Variants in PIK3CB observed in about 807,000 individuals in gnomAD.
The protein encoded by PIK3CB is phosphatidylinositol 4,5-bisphosphate 3-kinase catalytic subunit beta isoform.
In PIK3CB, 39 loss-of-function variants were observed where a neutral mutation model predicts 136.8. That is an observed-to-expected ratio of 0.29 (90% CI 0.22 to 0.37). The LOEUF (loss-of-function observed/expected upper bound fraction) is 0.37, where lower values mean the gene tolerates loss of function less well. Ranked by LOEUF, PIK3CB falls within the 10% of genes least tolerant of loss-of-function variation. The pLI is 1.00. For synonymous variants in PIK3CB, 428 were observed against 436.6 expected, an observed-to-expected ratio of 0.98 and a Z score of 0.25; for missense variants, 868 against 1,275.4, an observed-to-expected ratio of 0.68 and a Z score of 4.87.
intron 2 of PIK3CB, chr3:138,778,126 T>C (rs2108780343): frequency 2.5e-6 from 1 of 398,876 alleles, no homozygotes; most frequent in Non-Finnish European, 5.0e-6. Flanking sequence ...CACTGGCATC[T>C]TCACTACCTT....
At chr3:138,700,208 C>T (rs1375853258) in intron 12 of PIK3CB, among the ~76,000 whole-genome samples, 2 of 151,992 alleles carry the variant, frequency 1.3e-5, no homozygotes, top group Non-Finnish European at 2.9e-5. Context: ...GGCAACAAAG[C>T]GAGACACTGT....
chr3:138,732,783 G>A (rs1422440222), intron 8 of PIK3CB, among the ~76,000 whole-genome samples: 1 of 150,552 alleles, frequency 6.6e-6, no homozygotes, highest in Non-Finnish European at 1.5e-5. Context: ...GGCTGAGAGA[G>A]GAGAGTAAGC....
At chr3:138,775,552 G>A (rs968953501) in intron 2 of PIK3CB, among the ~76,000 whole-genome samples, 14 of 152,060 alleles carry the variant, frequency 9.2e-5, no homozygotes, top group Non-Finnish European at 1.5e-4. Flanking sequence ...CAGAGTACCC[G>A]CCTGAACTTC....
chr3:138,698,345 G>C (rs2044180204), intron 13 of PIK3CB, among the ~76,000 whole-genome samples: 1 of 152,170 alleles, frequency 6.6e-6, no homozygotes, highest in Admixed American at 6.5e-5. Context: ...AAATGCCAGT[G>C]CTTTTTGGCA....
At chr3:138,716,074 A>G (rs1426984427) in intron 8 of PIK3CB, among the ~76,000 whole-genome samples, 3 of 152,178 alleles carry the variant, frequency 2.0e-5, no homozygotes, top group Non-Finnish European at 2.9e-5. Context: ...AAATTAAGCT[A>G]AAAGAAAAAA....
chr3:138,791,842 A>G (rs1024519663), intron 2 of PIK3CB, among the ~76,000 whole-genome samples: 3 of 152,220 alleles, frequency 2.0e-5, no homozygotes, highest in Non-Finnish European at 4.4e-5. Context: ...ACCTTAGTAA[A>G]CATATCCCTC....
At chr3:138,815,107 T>A (rs1209700871) in intron 1 of PIK3CB, among the ~76,000 whole-genome samples, 1 of 116,142 alleles carries the variant, frequency 8.6e-6, no homozygotes, top group Non-Finnish European at 1.6e-5. Context: ...GCCACTGCAC[T>A]CCAGCCTGGG....
chr3:138,801,119 G>C (rs2046169498), intron 1 of PIK3CB, among the ~76,000 whole-genome samples: 1 of 152,016 alleles, frequency 6.6e-6, no homozygotes, highest in Non-Finnish European at 1.5e-5. Flanking sequence ...TTCTCAAACA[G>C]GTAATTAGGG....
chr3:138,768,973 G>A (rs542793401), intron 2 of PIK3CB, among the ~76,000 whole-genome samples: 1 of 152,280 alleles, frequency 6.6e-6, no homozygotes, highest in Admixed American at 6.5e-5. Context: ...ACTGGCATGG[G>A]AGAGAAGGGG....
At chr3:138,825,014 T>C (rs766266026) in intron 1 of PIK3CB, 21 of 220,488 alleles carry the variant, frequency 9.5e-5, no homozygotes, top group African/African-American at 1.8e-4. Context: ...TGGGCCACGA[T>C]TGCACCACTG....
At chr3:138,763,499 G>A (rs928882989) in intron 2 of PIK3CB, among the ~76,000 whole-genome samples, 1 of 152,136 alleles carries the variant, frequency 6.6e-6, no homozygotes, top group Non-Finnish European at 1.5e-5. Context: ...CACAGAATTA[G>A]AAACATAATA....
At chr3:138,713,399 A>G (rs891711380) in intron 9 of PIK3CB, among the ~76,000 whole-genome samples, 5 of 151,688 alleles carry the variant, frequency 3.3e-5, no homozygotes, top group African/African-American at 1.2e-4. Context: ...ACGGCCAGGC[A>G]CGGTGGCCAC....
chr3:138,698,782 C>A, intron 13 of PIK3CB, 125 bp downstream of exon 13: 1 of 537,082 alleles, frequency 1.9e-6, no homozygotes, highest in Non-Finnish European at 3.3e-6. Flanking sequence ...AGTTTAAAAC[C>A]TCAAAATTTC....
intron 19 of PIK3CB, among the ~76,000 whole-genome samples, chr3:138,670,085 C>T (rs1449268768): frequency 6.6e-6 from 1 of 152,230 alleles, no homozygotes; most frequent in African/African-American, 2.4e-5. Flanking sequence ...TTCCCATCAG[C>T]TAGACACTAG....
At chr3:138,734,459 A>T (rs1322146737) in intron 7 of PIK3CB, among the ~76,000 whole-genome samples, 175 bp downstream of exon 7, 2 of 152,216 alleles carry the variant, frequency 1.3e-5, no homozygotes, top group Non-Finnish European at 2.9e-5. Context: ...TGGCTTGAGT[A>T]AAAATAATAG....
At chr3:138,736,629 T>C (rs2045110847) in intron 6 of PIK3CB, among the ~76,000 whole-genome samples, 2 of 152,178 alleles carry the variant, frequency 1.3e-5, no homozygotes, top group African/African-American at 4.8e-5. Context: ...GTATACCTTA[T>C]AGGGAGAGGG....
intron 19 of PIK3CB, among the ~76,000 whole-genome samples, chr3:138,669,951 C>A (rs765691721): frequency 9.9e-5 from 15 of 152,080 alleles, no homozygotes; most frequent in Non-Finnish European, 1.6e-4. Flanking sequence ...GAAAAAGGTA[C>A]CAGTTTGGAA....
chr3:138,810,113 T>C (rs530333161), intron 1 of PIK3CB, among the ~76,000 whole-genome samples: 45 of 152,244 alleles, frequency 3.0e-4, no homozygotes, highest in African/African-American at 1.1e-3. Flanking sequence ...CTAGAATATT[T>C]TGAGCAACAA....
At chr3:138,677,788 G>A (rs192661290) in intron 19 of PIK3CB, among the ~76,000 whole-genome samples, 48 of 152,012 alleles carry the variant, frequency 3.2e-4, no homozygotes, top group East Asian at 2.7e-3. Flanking sequence ...CCAGCTACTC[G>A]GGAGGCTGAG....
Sources: allele counts gnomAD v4.1 joint callset (sites outside exome capture counted in the v4.1 genomes callset), GRCh38; gene constraint gnomAD v4.1.1; transcripts MANE v1.5; gene names NCBI Gene and HGNC (gene_info 2026-07-23, HGNC 2026-07-21).